The following ELP1 variants were observed in gnomAD, a reference collection of about 807,000 sequenced individuals.
ELP1 encodes the protein elongator complex protein 1.
Under a neutral mutation model 183.2 loss-of-function variants are expected in ELP1, and 131 were observed. The observed-to-expected ratio is 0.72, with a 90% confidence interval of 0.62 to 0.83. The LOEUF (loss-of-function observed/expected upper bound fraction) is 0.83, where lower values mean the gene tolerates loss of function less well. Ranked by LOEUF, ELP1 falls within the 40% of genes least tolerant of loss-of-function variation. ELP1 has a pLI of 0.00. For synonymous variants in ELP1, 555 were observed against 569.0 expected, an observed-to-expected ratio of 0.98 and a Z score of 0.35; for missense variants, 1,550 against 1,594.9, an observed-to-expected ratio of 0.97 and a Z score of 0.48.
At chr9:108,914,686 C>T (rs535075444) in intron 10 of ELP1, among the ~76,000 whole-genome samples, 8 of 152,220 alleles carry the variant, frequency 5.3e-5, no homozygotes, top group Admixed American at 2.0e-4. Context: ...TGCAGTGGCA[C>T]GATCTCCATT....
rs1981267 is a variant in ELP1 at position 108,875,052 on chromosome 9, C to G, written c.3856-82G>C. 0.87 allele frequency: 774,093 copies of G among 890,352 alleles called. 338,310 individuals are homozygous for G. Among genetic ancestry groups the G allele is most frequent in the African/African-American group, 0.94 (57,228 of 61,200 alleles). 55.2% of individuals were successfully genotyped at this position (890,352 alleles called of 1,614,324 possible). On this transcript the variant is annotated intron_variant, in intron 35 of 36. Coordinates refer to ENST00000374647, the MANE Select transcript of ELP1 (RefSeq NM_003640.5). ...AATACCAAAGGCCAAATCCCTACCC[C>G]CAGAAAACAGCCTGTCATTTCTACT...
At chr9:108,885,894 T>G (rs1382131584) in intron 29 of ELP1, among the ~76,000 whole-genome samples, 1 of 151,932 alleles carries the variant, frequency 6.6e-6, no homozygotes, top group Admixed American at 6.6e-5. Flanking sequence ...GGGCTAAGGG[T>G]GGAAAAGTAC....
chr9:108,880,305 T>TA, intron 31 of ELP1, 140 bp from the exon 32 acceptor site: 1 of 673,878 alleles, frequency 1.5e-6, no homozygotes, highest in Non-Finnish European at 2.7e-6. Flanking sequence ...CTCTTTTTCC[T>TA]TAATAAGCAT....
Position 108,909,112 on chromosome 9 carries a change from C to T in ELP1, c.1361-708G>A, listed in dbSNP as rs190359885. On this transcript the variant is annotated intron_variant, in intron 12 of 36. Coordinates refer to ENST00000374647, the MANE Select transcript of ELP1 (RefSeq NM_003640.5). Reference sequence around the variant, plus strand: ...TGTGATTCTCACCAGGTCTCTGCTTCAATGTCACCTTCACAGAGAGGCCTT... The same window carrying T: ...TGTGATTCTCACCAGGTCTCTGCTTTAATGTCACCTTCACAGAGAGGCCTT... Among the ~76,000 whole-genome samples the T allele has an allele frequency of 4.9e-4, 75 of 152,254 alleles. No individual in the cohort carries two copies. In the East Asian group the frequency reaches 0.011, roughly 22 times the overall value.
Position 108,922,833 on chromosome 9 carries a change from C to A in ELP1, c.552+9G>T. 1.9e-6 allele frequency: 3 copies of A among 1,610,006 alleles called. 1 individual carries two copies. The South Asian group carries it at 3.3e-5, about 18-fold the overall frequency. On this transcript the variant is annotated intron_variant, in intron 6 of 36. Transcript: ENST00000374647. ...AGTCAAGGCTTTTTATCCATCAAAC[C>A]AAACTTACCATTTGCATCTGAAAAG...
chr9:108,893,214 G>A, intron 26 of ELP1, 131 bp from the exon 27 acceptor site: 2 of 704,726 alleles, frequency 2.8e-6, no homozygotes, highest in Non-Finnish European at 5.0e-6. Context: ...AGAATCTGAA[G>A]AATGGGATCC....
rs543456611 is a variant in ELP1 at position 108,875,084 on chromosome 9, G to T, written c.3856-114C>A. 12 of 756,692 alleles carry T rather than the reference G, an allele frequency of 1.6e-5. No individual in the cohort carries two copies. In the South Asian group the frequency reaches 1.7e-4, roughly 11 times the overall value. 46.9% of individuals were successfully genotyped at this position (756,692 alleles called of 1,614,324 possible). ...ACAGCCTGTCATTTCTACTGGTATG[G>T]TGTGAAACACAGTAATTCTCTTTCC... On this transcript the variant is annotated intron_variant, in intron 35 of 36. Transcript: ENST00000374647.
chr9:108,930,167 T>TA (rs1470828350), intron 2 of ELP1, among the ~76,000 whole-genome samples: 195 of 152,320 alleles, frequency 1.3e-3, no homozygotes, highest in African/African-American at 4.5e-3. Flanking sequence ...CCTGGTCTCT[T>TA]TAAAATTGTC....
At chr9:108,904,244 T>C (rs991603704) in intron 14 of ELP1, among the ~76,000 whole-genome samples, 6 of 122,298 alleles carry the variant, frequency 4.9e-5, no homozygotes, top group Admixed American at 9.9e-5. Context: ...AAAATTTCAC[T>C]ATTTTTTTTT....
chr9:108,879,963 C>T (rs990879144), intron 32 of ELP1, 89 bp downstream of exon 32: 1 of 859,176 alleles, frequency 1.2e-6, no homozygotes, highest in Non-Finnish European at 2.0e-6. Flanking sequence ...AATCAGATTG[C>T]AGGCGGATCA....
Position 108,878,104 on chromosome 9 carries a change from T to C in ELP1, c.3746A>G (p.Asp1249Gly). 1 of 1,612,548 alleles carries C rather than the reference T, an allele frequency of 6.2e-7. No homozygotes were observed. Among genetic ancestry groups the C allele is most frequent in the East Asian group, 2.2e-5 (1 of 44,862 alleles). Residue 1249 changes from aspartate (D) to glycine (G), a missense_variant, in exon 35 of 37, where the codon GAT becomes GGT. Transcript: ENST00000374647. ...ILKVLFLFEF[D>G]EQGRELQKAF... ...CTTCTGTAATTCCCTTCCTTGTTCA[T>C]CAAACTCAAAGAGAAAGAGTACCTT...
intron 35 of ELP1, among the ~76,000 whole-genome samples, chr9:108,876,168 C>G (rs1827698691): frequency 6.6e-6 from 1 of 151,982 alleles, no homozygotes; most frequent in South Asian, 2.1e-4. Flanking sequence ...CCCAGCTACT[C>G]AAGAGGCTGA....
rs1425768979 is a variant in ELP1 at position 108,874,926 on chromosome 9, A to G, written c.3900T>C (p.Tyr1300=). 1.8e-5 allele frequency: 29 copies of G among 1,612,874 alleles called. No individual in the cohort carries two copies. The highest frequency in any genetic ancestry group is 2.5e-5 in the Non-Finnish European group (29 of 1,178,934). ...NSTANSIMAS[Y]QQQKTSVPVL... Reference sequence around the variant, plus strand: ...CAGGAACCGAAGTCTTCTGTTGCTGATAAGATGCCATGATACTATTTGCAG... The same window carrying G: ...CAGGAACCGAAGTCTTCTGTTGCTGGTAAGATGCCATGATACTATTTGCAG... Residue 1300 remains tyrosine (Y), a synonymous_variant, in exon 36 of 37, where the codon TAT becomes TAC. Coordinates refer to ENST00000374647, the MANE Select transcript of ELP1 (RefSeq NM_003640.5).
chr9:108,884,801 T>C (rs4978754), intron 29 of ELP1, among the ~76,000 whole-genome samples: 138,991 of 152,288 alleles, frequency 0.91, 63,604 homozygotes, highest in African/African-American at 0.94. Context: ...ATCACCTTGG[T>C]CAGGCACAGT....
chr9:108,890,548 T>C (rs1411542798), intron 28 of ELP1, among the ~76,000 whole-genome samples: 1 of 152,196 alleles, frequency 6.6e-6, no homozygotes, highest in African/African-American at 2.4e-5. Context: ...TTCATAGGTG[T>C]CCTTACCCTT....
Position 108,869,008 on chromosome 9 carries a change from A to T in ELP1, c.*107T>A. The T allele has an allele frequency of 1.1e-6, 1 of 915,532 alleles. No individual in the cohort carries two copies. Among genetic ancestry groups the T allele is most frequent in the Non-Finnish European group, 1.8e-6 (1 of 544,710 alleles). The allele number at this position is 915,532 out of a possible 1,614,324, so 56.7% of individuals were successfully genotyped here. A position where few individuals can be genotyped will look rare whatever the true frequency, so the allele number is the denominator to read the frequency against. Reference sequence around the variant, plus strand: ...CAATGCTAAGGTAAGTTATCATTTTACTCTTTCCAGTTCTCAATAGCCAGC... The same window carrying T: ...CAATGCTAAGGTAAGTTATCATTTTTCTCTTTCCAGTTCTCAATAGCCAGC... On this transcript the variant is annotated 3_prime_UTR_variant, in exon 37 of 37. Transcript: ENST00000374647.
Position 108,896,630 on chromosome 9 carries a change from C to T in ELP1, c.2602G>A (p.Asp868Asn), listed in dbSNP as rs769949254. Reference sequence around the variant, plus strand: ...TCTTCAGCACTCACAGCATCAGGATCAGAGGGAGCATTTCCTAACAGTGTT... The same window carrying T: ...TCTTCAGCACTCACAGCATCAGGATTAGAGGGAGCATTTCCTAACAGTGTT... Reference protein sequence around the residue: ...VHELQGNAPSDPDAVSAEEAL... With the variant: ...VHELQGNAPSNPDAVSAEEAL... The change falls in exon 25 of 37, where the codon GAT (aspartate) becomes AAT (asparagine). Residue 868 changes from aspartate to asparagine, a missense_variant. Transcript: ENST00000374647. The T allele has an allele frequency of 6.2e-7, 1 of 1,614,056 alleles. No homozygotes were observed. The highest frequency in any genetic ancestry group is 8.5e-7 in the Non-Finnish European group (1 of 1,179,920).
intron 10 of ELP1, among the ~76,000 whole-genome samples, chr9:108,913,628 A>G (rs1028404668): frequency 1.3e-5 from 2 of 151,196 alleles, no homozygotes; most frequent in African/African-American, 2.4e-5. Flanking sequence ...TTCTTGTGCA[A>G]TGTGTGTGTG....
Position 108,894,573 on chromosome 9 carries a change from C to T in ELP1, c.2737-507G>A, listed in dbSNP as rs1828468935. Reference sequence around the variant, plus strand: ...CACATACGGATATTAATAAGTTACACTTGGAATAATAGTAACTTCCTTAAC... The same window carrying T: ...CACATACGGATATTAATAAGTTACATTTGGAATAATAGTAACTTCCTTAAC... On this transcript the variant is annotated intron_variant, in intron 25 of 36. Coordinates refer to ENST00000374647, the MANE Select transcript of ELP1 (RefSeq NM_003640.5). Among the ~76,000 whole-genome samples the T allele has an allele frequency of 2.0e-5, 3 of 152,190 alleles. 1 individual carries two copies. The highest frequency in any genetic ancestry group is 1.3e-4 in the Admixed American group (2 of 15,276).
Sources: gnomAD v4.1 joint callset for allele counts (sites outside exome capture counted in the v4.1 genomes callset) on GRCh38, gnomAD v4.1.1 for gene constraint, MANE v1.5 for transcripts, NCBI Gene and HGNC (gene_info 2026-07-23, HGNC 2026-07-21) for gene names.